Variants in AHI1 observed in about 807,000 individuals in gnomAD.
The protein encoded by AHI1 is Abelson helper integration site 1, also known as jouberin.
AHI1 carries 123 observed loss-of-function variants against 149.3 expected under a neutral mutation model. The ratio of observed to expected loss-of-function variants is 0.82; its 90% CI spans 0.71 to 0.96. AHI1 has a LOEUF of 0.96. Among genes scored for constraint, AHI1 ranks in the 40% least tolerant of loss-of-function variants. The probability of loss-of-function intolerance (pLI) is 0.00; values close to 1 mark genes in which losing one functional copy is unlikely to be tolerated. For synonymous variants in AHI1, 475 were observed against 459.8 expected (o/e 1.03, Z -0.42); for missense variants, 1,439 against 1,422.7 (o/e 1.01, Z -0.18).
chr6:135,323,519 G>T, intron 24 of AHI1, 195 bp from the exon 25 acceptor site: 4 of 442,328 alleles, frequency 9.0e-6, no homozygotes. Context: ...AAGACTGTGG[G>T]ATTGAGAAAT....
Position 135,466,274 on chromosome 6 carries a change from T to G in AHI1, c.289A>C (p.Thr97Pro). Residue 97 changes from threonine (T) to proline (P), a missense_variant, in exon 7 of 29, where the codon ACT (threonine) becomes CCT (proline). Physicochemically the swap from Thr to Pro is conservative, Grantham distance 38. Coordinates refer to ENST00000265602, the MANE Select transcript of AHI1 (RefSeq NM_001134831.2). ...TGTGTGTTCCTCAATTTGTTTTTAG[T>G]GACTCTCGTGCTCTTCTTCAGGTTG... Reference protein sequence around the residue: ...TNNLKKSTRVTKNKLRNTQLA... With the variant: ...TNNLKKSTRVPKNKLRNTQLA... The G allele has an allele frequency of 6.2e-7, 1 of 1,613,968 alleles. No individual in the cohort carries two copies. Among genetic ancestry groups the G allele is most frequent in the Non-Finnish European group, 8.5e-7 (1 of 1,179,858 alleles).
At chr6:135,332,670 A>C (rs1444865864) in intron 24 of AHI1, among the ~76,000 whole-genome samples, 1 of 152,228 alleles carries the variant, frequency 6.6e-6, no homozygotes, top group Non-Finnish European at 1.5e-5. Context: ...GCCAGTTTAA[A>C]TTTCCAACCA....
In AHI1 at chr6:135,285,411, A is replaced by T; in HGVS notation, c.*234T>A. The stretch of plus-strand genomic sequence containing the variant: ...AATTACTAACAATATAAGTACCAAT[A>T]CTTTGACCAACAATAGTCACAATGG... On this transcript the variant is annotated 3_prime_UTR_variant, in exon 29 of 29. Coordinates refer to ENST00000265602, the MANE Select transcript of AHI1 (RefSeq NM_001134831.2). 1 of 583,374 alleles carries T rather than the reference A, an allele frequency of 1.7e-6. No individual in the cohort carries two copies. The highest frequency in any genetic ancestry group is 3.1e-6 in the Non-Finnish European group (1 of 327,776). 36.1% of individuals were successfully genotyped at this position (583,374 alleles called of 1,614,324 possible). A position where few individuals can be genotyped will look rare whatever the true frequency, so the allele number is the denominator to read the frequency against.
Position 135,302,751 on chromosome 6 carries a change from T to G in AHI1, c.3427-2193A>C, listed in dbSNP as rs1282416731. ...CAGCAGCAGCACGTCATATAGGTAGTTACTCATGGAGGCAGAAGCAGGGGG... is the reference window on the plus strand; with the variant it reads ...CAGCAGCAGCACGTCATATAGGTAGGTACTCATGGAGGCAGAAGCAGGGGG... On this transcript the variant is annotated intron_variant, in intron 26 of 28. Coordinates refer to ENST00000265602, the MANE Select transcript of AHI1 (RefSeq NM_001134831.2). 3.1e-6 allele frequency: 4 copies of G among 1,287,256 alleles called. No homozygotes were observed. The African/African-American group carries it at 6.1e-5, about 20-fold the overall frequency. 79.7% of individuals were successfully genotyped at this position (1,287,256 alleles called of 1,614,324 possible).
rs574769205 is a variant in AHI1, at chr6:135,286,650, T to G, written c.3589-1003A>C. ...GTGCTTTAAGGAACAGGCCCAATCT[T>G]AAATCAATGGTCGCACTATCTTTTC... On this transcript the variant is annotated intron_variant, in intron 28 of 28. Transcript: ENST00000265602. 3 of 152,316 alleles carry G rather than the reference T, an allele frequency of 2.0e-5. No individual in the cohort carries two copies. In the South Asian group the frequency reaches 6.2e-4, roughly 32 times the overall value. 9.4% of individuals were successfully genotyped at this position (152,316 alleles called of 1,614,324 possible).
intron 19 of AHI1, 139 bp downstream of exon 19, chr6:135,428,490 T>C: frequency 9.3e-7 from 1 of 1,076,090 alleles, no homozygotes. Context: ...CTTTAAAGGC[T>C]TTCTAATCTT....
intron 5 of AHI1, among the ~76,000 whole-genome samples, chr6:135,469,101 A>T (rs577160863): frequency 3.3e-5 from 5 of 152,226 alleles, no homozygotes; most frequent in Non-Finnish European, 5.9e-5. Flanking sequence ...CACTGATGCA[A>T]ATATCCTCAA....
intron 23 of AHI1, among the ~76,000 whole-genome samples, chr6:135,379,956 T>C (rs1469732369): frequency 1.1e-4 from 7 of 62,302 alleles, no homozygotes; most frequent in Admixed American, 2.2e-4. Context: ...CTCCTTCCCC[T>C]TCTCCCTCCC....
intron 22 of AHI1, among the ~76,000 whole-genome samples, chr6:135,397,173 T>C (rs949187189): frequency 5.9e-5 from 9 of 151,956 alleles, no homozygotes; most frequent in Non-Finnish European, 8.8e-5. Flanking sequence ...TGTTAATTAT[T>C]ACTGTTATTA....
intron 24 of AHI1, among the ~76,000 whole-genome samples, chr6:135,346,739 C>T (rs1037583104): frequency 4.6e-5 from 7 of 152,096 alleles, no homozygotes; most frequent in African/African-American, 7.2e-5. Context: ...TACAAACAAT[C>T]ACCTCCTCAT....
At chr6:135,393,754 A>T (rs1391051186) in intron 23 of AHI1, among the ~76,000 whole-genome samples, 1 of 152,116 alleles carries the variant, frequency 6.6e-6, no homozygotes, top group African/African-American at 2.4e-5. Context: ...TTATATTCAC[A>T]TAGCACCTTA....
chr6:135,465,830 A>C lies in AHI1; in HGVS notation c.733T>G (p.Ser245Ala), dbSNP rs1349568364. Reference protein sequence around the residue: ...RKKKKEVPVFSKAETSTLTIS... With the variant: ...RKKKKEVPVFAKAETSTLTIS... ...CAAAAATACCTTGTTTCAGCTTTAG[A>C]GAAGACTGGAACTTCCTTTTTCTTT... Residue 245 changes from serine to alanine, a missense_variant, in exon 7 of 29, where the codon TCT becomes GCT. By Grantham distance (99) the Ser-to-Ala change is moderately conservative. Transcript: ENST00000265602. 3 of 1,473,236 alleles carry C rather than the reference A, an allele frequency of 2.0e-6. No homozygotes were observed. The highest frequency in any genetic ancestry group is 2.7e-6 in the Non-Finnish European group (3 of 1,115,920). 91.3% of individuals were successfully genotyped at this position (1,473,236 alleles called of 1,614,324 possible). A position where few individuals can be genotyped will look rare whatever the true frequency, so the allele number is the denominator to read the frequency against.
At chr6:135,353,441 T>G (rs1257387801) in intron 24 of AHI1, among the ~76,000 whole-genome samples, 1 of 152,112 alleles carries the variant, frequency 6.6e-6, no homozygotes, top group East Asian at 1.9e-4. Context: ...AATAAAGTGC[T>G]TCCTTTGAAT....
At position 135,455,855 on chromosome 6, in the gene AHI1, T is replaced by C; in HGVS notation, c.1223A>G (p.Tyr408Cys). The change falls in exon 10 of 29, where the codon TAT becomes TGT. Residue 408 changes from tyrosine to cysteine, a missense_variant. Tyr to Cys is a radical substitution (Grantham distance 194, BLOSUM62 -2). Coordinates refer to ENST00000265602, the MANE Select transcript of AHI1 (RefSeq NM_001134831.2). ...TCTTGATTTTAACTGTTTAAAATCA[T>C]ATGGCTGGGTCATAATAGGAAGAAT... ...DYILPIMTQP[Y>C]DFKQLKSRLP... 1 of 1,596,964 alleles carries C rather than the reference T, an allele frequency of 6.3e-7. No homozygotes were observed. Among genetic ancestry groups the C allele is most frequent in the Non-Finnish European group, 8.6e-7 (1 of 1,169,400 alleles).
intron 20 of AHI1, among the ~76,000 whole-genome samples, chr6:135,417,206 T>C (rs1475949723): frequency 6.6e-6 from 1 of 152,038 alleles, no homozygotes; most frequent in Non-Finnish European, 1.5e-5. Flanking sequence ...CAACATTTAA[T>C]TGTGTTTTGC....
intron 6 of AHI1, 35 bp downstream of exon 6, chr6:135,467,546 C>T (rs1172140572): frequency 1.9e-6 from 3 of 1,554,398 alleles, no homozygotes; most frequent in African/African-American, 2.7e-5. Flanking sequence ...GACTCTCATG[C>T]TCTTCTTCAG....
Position 135,426,819 on chromosome 6 carries a change from T to TA in AHI1, c.2764+347dup, listed in dbSNP as rs199527511. 7.6e-3 allele frequency among the ~76,000 whole-genome samples: 1,150 copies of TA among 151,788 alleles called. 18 individuals are homozygous for TA. The highest frequency in any genetic ancestry group is 0.026 in the African/African-American group (1,091 of 41,516). On this transcript the variant is annotated intron_variant, in intron 20 of 28. Transcript: ENST00000265602. ...CTGATGTGATTTTCCCCCTACTTTT[T>TA]ATGTTAAGAAACTCTCAAAACTACA... is the stretch of plus-strand genomic sequence containing the variant.
intron 5 of AHI1, among the ~76,000 whole-genome samples, chr6:135,468,166 T>A (rs965128623): frequency 6.6e-6 from 1 of 152,132 alleles, no homozygotes; most frequent in Non-Finnish European, 1.5e-5. Flanking sequence ...TATTTCCAAA[T>A]TCTATCTGTT....
At chr6:135,421,962 G>C (rs1194052508) in intron 20 of AHI1, among the ~76,000 whole-genome samples, 2 of 152,090 alleles carry the variant, frequency 1.3e-5, no homozygotes. Context: ...ATAAGTATGA[G>C]AATTATGTTA....
Sources: gnomAD v4.1 joint callset for allele counts (sites outside exome capture counted in the v4.1 genomes callset) on GRCh38, gnomAD v4.1.1 for gene constraint, MANE v1.5 for transcripts, NCBI Gene and HGNC (gene_info 2026-07-23, HGNC 2026-07-21) for gene names.